FLNC: variants seen among roughly 807,000 people sequenced by gnomAD.
FLNC encodes the protein filamin-C.
Under a neutral mutation model 254.3 loss-of-function variants are expected in FLNC, and 91 were observed. The observed-to-expected ratio is 0.36, with a 90% CI of 0.30 to 0.43. The LOEUF is 0.43. Among genes scored for constraint, FLNC ranks in the 20% least tolerant of loss-of-function variants. The pLI, the probability that FLNC is intolerant of heterozygous loss-of-function variation, is 1.00. For synonymous variants in FLNC, 1,430 were observed against 1,577.2 expected, an observed-to-expected ratio of 0.91 and a Z score of 2.21; for missense variants, 2,853 against 3,802.6, an observed-to-expected ratio of 0.75 and a Z score of 6.57.
At chr7:128,853,429 G>A in intron 37 of FLNC, 40 bp from the exon 38 acceptor site, 1 of 1,611,084 alleles carries the variant, frequency 6.2e-7, no homozygotes, top group Non-Finnish European at 8.5e-7. Context: ...GGCTTGGCCA[G>A]CCTAGGACTG....
chr7:128,850,377 G>C lies in FLNC; in HGVS notation c.5299-7G>C, dbSNP rs1199445176. ...AGTCACTGACTGTTCCCTCTCACCT[G>C]CTGCAGGCCACAGAGGAGCCAGTGG... On this transcript the variant is annotated splice_polypyrimidine_tract_variant and splice_region_variant and intron_variant, in intron 31 of 47. Coordinates refer to ENST00000325888, the MANE Select transcript of FLNC (RefSeq NM_001458.5). 1 of 1,612,158 alleles carries C rather than the reference G, an allele frequency of 6.2e-7. No homozygotes were observed. The highest frequency in any genetic ancestry group is 1.7e-5 in the Admixed American group (1 of 60,030).
rs976229219 is a variant in FLNC, at chr7:128,837,481, G to C, written c.783G>C (p.Lys261Asn). Reference sequence around the variant, plus strand: ...ACCTGTCCCAGTTCCCCAAGGCCAAGCTCAAACCTGGTGCCCCTGTTCGAT... The same window carrying C: ...ACCTGTCCCAGTTCCCCAAGGCCAACCTCAAACCTGGTGCCCCTGTTCGAT... ...MTYLSQFPKAKLKPGAPVRSK... is the reference protein window; with the variant it reads ...MTYLSQFPKANLKPGAPVRSK... The change falls in exon 4 of 48, where the codon AAG becomes AAC. Residue 261 changes from lysine to asparagine, a missense_variant. This residue lies in a region of FLNC where 1,573 missense variants were observed against 1,883.5 expected (regional missense o/e 0.84). Coordinates refer to ENST00000325888, the MANE Select transcript of FLNC (RefSeq NM_001458.5). 1 of 1,614,206 alleles carries C rather than the reference G, an allele frequency of 6.2e-7. No individual in the cohort carries two copies. Among genetic ancestry groups the C allele is most frequent in the Non-Finnish European group, 8.5e-7 (1 of 1,180,034 alleles).
rs1421296226 is a variant in FLNC, at chr7:128,857,253, T to C, written c.7697T>C (p.Met2566Thr). Residue 2566 changes from methionine to threonine, a missense_variant, in exon 46 of 48, where the codon ATG becomes ACG. Physicochemically the swap from Met to Thr is moderately conservative, Grantham distance 81. Around this residue, in one of 10 missense-constraint regions of FLNC, gnomAD observed 197 missense variants for 351.5 expected, o/e 0.56. Transcript: ENST00000325888. This position sits in a 1 kb window ranked among gnomAD's most constrained non-coding sequence, Gnocchi z 4.5. ...PEGHVVTYTP[M>T]APGNYLIAIK... ...GGCCATGTGGTCACTTATACTCCCATGGCCCCTGGCAACTACCTCATTGCC... is the reference window on the plus strand; with the variant it reads ...GGCCATGTGGTCACTTATACTCCCACGGCCCCTGGCAACTACCTCATTGCC... 1 of 1,613,964 alleles carries C rather than the reference T, an allele frequency of 6.2e-7. No homozygotes were observed. The highest frequency in any genetic ancestry group is 1.3e-5 in the African/African-American group (1 of 74,918).
Position 128,844,324 on chromosome 7 carries a change from G to A in FLNC, c.3192+58G>A, listed in dbSNP as rs917050598. 5.8e-6 allele frequency: 9 copies of A among 1,540,652 alleles called. No individual in the cohort carries two copies. In the African/African-American group the frequency reaches 1.2e-4, roughly 21 times the overall value. On this transcript the variant is annotated intron_variant, in intron 20 of 47. Transcript: ENST00000325888. The stretch of plus-strand genomic sequence containing the variant: ...TTGGGGACTTGTTGGGAAGATAGAT[G>A]AGTCATAGGGGGCAGAGGCCAGAGG...
In FLNC at chr7:128,847,749, G is replaced by A. The variant is rs1808621511; in HGVS notation, c.4341G>A (p.Lys1447=). The A allele has an allele frequency of 3.1e-6, 5 of 1,614,162 alleles. No individual in the cohort carries two copies. The East Asian group carries it at 1.1e-4, about 36-fold the overall frequency. ...VKDVVDPGKV[K]CSGPGLGAGV... is the part of the protein sequence containing the mutation. ...ATGTGGTGGACCCTGGGAAGGTGAA[G>A]TGCTCAGGGCCAGGGCTGGGGGCTG... Residue 1447 remains lysine, a synonymous_variant, in exon 25 of 48, where the codon AAG becomes AAA. Coordinates refer to ENST00000325888, the MANE Select transcript of FLNC (RefSeq NM_001458.5).
At chr7:128,832,704 G>T (rs764922117) in intron 1 of FLNC, among the ~76,000 whole-genome samples, 1 of 152,242 alleles carries the variant, frequency 6.6e-6, no homozygotes, top group Admixed American at 6.5e-5. Context: ...CCTGGTTCCC[G>T]CTGGGAGGAA....
At chr7:128,847,259 G>A (rs971087038) in intron 24 of FLNC, among the ~76,000 whole-genome samples, 3 of 152,242 alleles carry the variant, frequency 2.0e-5, no homozygotes, top group East Asian at 3.8e-4. Context: ...TGCACGCATC[G>A]TCTGCAGAAC....
At position 128,830,537 on chromosome 7, in the gene FLNC, C is replaced by T. The variant is rs1276602649; in HGVS notation, c.-101C>T. ...AGAGAAGTTGGAGAGGAGAGCAGCG[C>T]AGCGCAGCGAGTCCCGTGGTCGCGC... is the stretch of plus-strand genomic sequence containing the variant. On this transcript the variant is annotated 5_prime_UTR_variant, in exon 1 of 48. Transcript: ENST00000325888. 5.1e-6 allele frequency: 5 copies of T among 983,712 alleles called. No homozygotes were observed. In the African/African-American group the frequency reaches 6.4e-5, roughly 13 times the overall value. 60.9% of individuals were successfully genotyped at this position (983,712 alleles called of 1,614,324 possible).
chr7:128,853,051 GC>G lies in FLNC; in HGVS notation c.6208+25del. Reference sequence around the variant, plus strand: ...ATGCAGGTACCTCCTGCCCCAGAGAGCCCCCATTCCAGCGGGTGCCTCCCAC... The same window carrying G: ...ATGCAGGTACCTCCTGCCCCAGAGAGCCCCATTCCAGCGGGTGCCTCCCAC... On this transcript the variant is annotated intron_variant, in intron 37 of 47. Transcript: ENST00000325888. The G allele has an allele frequency of 6.2e-7, 1 of 1,610,726 alleles. No homozygotes were observed. The highest frequency in any genetic ancestry group is 8.5e-7 in the Non-Finnish European group (1 of 1,178,358).
chr7:128,852,532 C>T, intron 35 of FLNC, 59 bp from the exon 36 acceptor site: 1 of 1,602,686 alleles, frequency 6.2e-7, no homozygotes, highest in Non-Finnish European at 8.5e-7. Context: ...TTCCTGAGCC[C>T]TGTGAGGGCA....
Position 128,858,428 on chromosome 7 carries a change from A to T in FLNC, c.8083A>T (p.Thr2695Ser), listed in dbSNP as rs1351529940. The change falls in exon 48 of 48, where the codon ACC becomes TCC. Residue 2695 changes from threonine to serine, a missense_variant. Thr to Ser is a moderately conservative substitution (Grantham distance 58). Coordinates refer to ENST00000325888, the MANE Select transcript of FLNC (RefSeq NM_001458.5). This position sits in a 1 kb window ranked among gnomAD's most constrained non-coding sequence, Gnocchi z 6.7. ...CATGGGGAACCGGGTGTACAATGTC[A>T]CCTACACTGTCAAGGAGAAAGGGGA... ...KHMGNRVYNV[T>S]YTVKEKGDYI... The T allele has an allele frequency of 6.2e-7, 1 of 1,611,132 alleles. No homozygotes were observed. The highest frequency in any genetic ancestry group is 1.7e-5 in the Admixed American group (1 of 59,974).
Position 128,856,445 on chromosome 7 carries a change from G to T in FLNC, c.7252-73G>T, listed in dbSNP as rs767784147. On this transcript the variant is annotated intron_variant, in intron 43 of 47. Transcript: ENST00000325888. This position sits in a 1 kb window ranked among gnomAD's most constrained non-coding sequence, Gnocchi z 5.9. ...TTGGGCTGGGCTTACAGTGAGCACC[G>T]TGTGGGGCTTCAGAGAAGACTGCTC... The T allele has an allele frequency of 5.7e-6, 9 of 1,583,176 alleles. No individual in the cohort carries two copies. The highest frequency in any genetic ancestry group is 6.0e-6 in the Non-Finnish European group (7 of 1,164,612).
chr7:128,849,972 C>A lies in FLNC; in HGVS notation c.5200-4C>A. ...CCCTGTGCCCCCGTGCCTTGCCTCC[C>A]CAGGCGTGTGACCCCCTGCCGCACG... On this transcript the variant is annotated splice_polypyrimidine_tract_variant and splice_region_variant and intron_variant, in intron 30 of 47. Transcript: ENST00000325888. The A allele has an allele frequency of 6.3e-7, 1 of 1,585,516 alleles. No individual in the cohort carries two copies. The highest frequency in any genetic ancestry group is 2.3e-5 in the East Asian group (1 of 44,126).
chr7:128,855,955 C>T (rs934864223), intron 43 of FLNC, among the ~76,000 whole-genome samples: 7 of 152,184 alleles, frequency 4.6e-5, no homozygotes, highest in Non-Finnish European at 8.8e-5. Context: ...CCACCTCCTT[C>T]TCCCACGCGC....
rs2128935573 is a variant in FLNC, at chr7:128,842,328, T to C, written c.2219T>C (p.Ile740Thr). The C allele has an allele frequency of 1.9e-6, 3 of 1,613,810 alleles. No individual in the cohort carries two copies. The highest frequency in any genetic ancestry group is 2.5e-6 in the Non-Finnish European group (3 of 1,179,992). ...YVPTKPIKHT[I>T]IISWGGVNVP... ...CCCACCAAGCCCATTAAGCACACCA[T>C]CATCATCTCCTGGGGAGGCGTAAAC... The change falls in exon 14 of 48, where the codon ATC becomes ACC. Residue 740 changes from isoleucine to threonine, a missense_variant. Coordinates refer to ENST00000325888, the MANE Select transcript of FLNC (RefSeq NM_001458.5). This position sits in a 1 kb window ranked among gnomAD's most constrained non-coding sequence, Gnocchi z 5.4.
chr7:128,834,255 C>G (rs1562990504), intron 1 of FLNC, among the ~76,000 whole-genome samples: 1 of 151,732 alleles, frequency 6.6e-6, no homozygotes, highest in East Asian at 1.9e-4. Context: ...TATCTACATG[C>G]TAGGCCACCC....
At position 128,847,945 on chromosome 7, in the gene FLNC, G is replaced by C. The variant is rs767473791; in HGVS notation, c.4457G>C (p.Gly1486Ala). ...PLQVAVLGPT[G>A]VAEPVEVRDN... The stretch of plus-strand genomic sequence containing the variant: ...TGCTGACCCTGTGCCCCTTGCCCAG[G>C]TGTGGCCGAGCCTGTGGAGGTGCGG... Residue 1486 changes from glycine to alanine, a missense_variant and splice_region_variant, in exon 26 of 48, where the codon GGT (glycine) becomes GCT (alanine). By Grantham distance (60) the Gly-to-Ala change is moderately conservative (BLOSUM62 0). Transcript: ENST00000325888. The C allele has an allele frequency of 6.2e-7, 1 of 1,613,600 alleles. No individual in the cohort carries two copies. The highest frequency in any genetic ancestry group is 2.2e-5 in the East Asian group (1 of 44,878).
In FLNC at chr7:128,843,989, T is replaced by C; in HGVS notation, c.2930-15T>C. 1 of 1,614,130 alleles carries C rather than the reference T, an allele frequency of 6.2e-7. No homozygotes were observed. The highest frequency in any genetic ancestry group is 8.5e-7 in the Non-Finnish European group (1 of 1,180,044). The stretch of plus-strand genomic sequence containing the variant: ...GACCGGAGTCTCCTCATGGTGTCAC[T>C]TGCCCTCCACGCAGAGGTGGCTGTG... On this transcript the variant is annotated splice_polypyrimidine_tract_variant and intron_variant, in intron 19 of 47. Coordinates refer to ENST00000325888, the MANE Select transcript of FLNC (RefSeq NM_001458.5).
Position 128,858,835 on chromosome 7 carries a change from T to C in FLNC, c.*312T>C. 2.2e-6 allele frequency: 1 copy of C among 463,816 alleles called. No individual in the cohort carries two copies. Among genetic ancestry groups the C allele is most frequent in the East Asian group, 4.1e-5 (1 of 24,576 alleles). 28.7% of individuals were successfully genotyped at this position (463,816 alleles called of 1,614,324 possible). ...GCTGCGAGGCCAGGGAAGCCCTGAG[T>C]TTCTGGCGGGGCTGAGCAGTGGGGG... On this transcript the variant is annotated 3_prime_UTR_variant, in exon 48 of 48. Transcript: ENST00000325888. The surrounding 1 kb of genome is among the most constrained non-coding windows in gnomAD (Gnocchi z 6.7).
Sources: gnomAD v4.1 joint callset for allele counts (sites outside exome capture counted in the v4.1 genomes callset) on GRCh38, gnomAD v4.1.1 for gene constraint, gnomAD v4.1.1 regional missense constraint, Gnocchi (gnomAD v3.1) non-coding constraint, MANE v1.5 for transcripts, NCBI Gene and HGNC (gene_info 2026-07-23, HGNC 2026-07-21) for gene names.